DGKI: variants seen among roughly 807,000 people sequenced by gnomAD.
The protein encoded by DGKI is DAG kinase iota.
In DGKI, 55 loss-of-function variants were observed where a neutral mutation model predicts 147.5. The observed-to-expected ratio is 0.37, with a 90% CI of 0.30 to 0.47. The LOEUF is 0.47. DGKI is among the 20% of genes least tolerant of loss of function. DGKI has a pLI of 1.00. For missense variants in DGKI, 1,007 were observed against 1,323.8 expected, an observed-to-expected ratio of 0.76 and a Z score of 3.71; for synonymous variants, 469 against 477.1, an observed-to-expected ratio of 0.98 and a Z score of 0.22.
At chr7:137,584,704 A>AT (rs928962897) in intron 14 of DGKI, among the ~76,000 whole-genome samples, 41 of 151,904 alleles carry the variant, frequency 2.7e-4, no homozygotes, top group African/African-American at 8.4e-4. Flanking sequence ...ATAAAAGTCA[A>AT]TTTTTTTTTA....
chr7:137,733,687 C>A (rs1794946302), intron 1 of DGKI, among the ~76,000 whole-genome samples: 2 of 151,994 alleles, frequency 1.3e-5, no homozygotes, highest in African/African-American at 4.8e-5. Context: ...AGACAATGAA[C>A]AATAAGTAAA....
intron 28 of DGKI, among the ~76,000 whole-genome samples, chr7:137,426,920 A>G (rs1812834220): frequency 6.6e-6 from 1 of 151,802 alleles, no homozygotes; most frequent in Non-Finnish European, 1.5e-5. Flanking sequence ...GTGACCTACA[A>G]AGAGACTTAG....
intron 12 of DGKI, among the ~76,000 whole-genome samples, chr7:137,593,977 T>C (rs1203790529): frequency 2.0e-5 from 3 of 152,196 alleles, no homozygotes; most frequent in Non-Finnish European, 4.4e-5. Flanking sequence ...GTCACAGAAA[T>C]GAGAGCAGAA....
At chr7:137,570,704 G>GC (rs1818763980) in intron 19 of DGKI, among the ~76,000 whole-genome samples, 1 of 151,088 alleles carries the variant, frequency 6.6e-6, no homozygotes, top group African/African-American at 2.4e-5. Context: ...CAATTATCCT[G>GC]CATCAGCCTC....
At chr7:137,567,613 G>A (rs1728454) in intron 19 of DGKI, among the ~76,000 whole-genome samples, 2 of 152,150 alleles carry the variant, frequency 1.3e-5, no homozygotes, top group South Asian at 2.1e-4. Flanking sequence ...ACTACGGAGA[G>A]TTTAAGGTCA....
At chr7:137,453,659 G>C (rs1814066005) in intron 27 of DGKI, among the ~76,000 whole-genome samples, 1 of 152,104 alleles carries the variant, frequency 6.6e-6, no homozygotes, top group South Asian at 2.1e-4. Flanking sequence ...GGAATGCCAA[G>C]CAGCCTCAAA....
chr7:137,561,038 T>C (rs1262951759), intron 19 of DGKI, among the ~76,000 whole-genome samples: 1 of 152,004 alleles, frequency 6.6e-6, no homozygotes, highest in African/African-American at 2.4e-5. Flanking sequence ...AAACAACAAA[T>C]GGAAGTATCA....
chr7:137,603,787 G>GAT (rs1820078718), intron 10 of DGKI, among the ~76,000 whole-genome samples: 1 of 152,190 alleles, frequency 6.6e-6, no homozygotes, highest in Admixed American at 6.5e-5. Flanking sequence ...AGGCACAAAA[G>GAT]GTGTGAAACA....
chr7:137,724,803 T>G (rs924463742), intron 1 of DGKI, among the ~76,000 whole-genome samples: 1 of 152,130 alleles, frequency 6.6e-6, no homozygotes, highest in Non-Finnish European at 1.5e-5. Context: ...GCACTAGAGA[T>G]GTACATTTGA....
chr7:137,550,132 T>C (rs1300968455), intron 20 of DGKI, among the ~76,000 whole-genome samples: 1 of 151,764 alleles, frequency 6.6e-6, no homozygotes, highest in African/African-American at 2.4e-5. Context: ...AGAAAGTAAG[T>C]AACAGTTTTG....
chr7:137,405,181 T>C (rs1316060403), intron 30 of DGKI, among the ~76,000 whole-genome samples: 2 of 152,226 alleles, frequency 1.3e-5, no homozygotes, highest in African/African-American at 4.8e-5. Context: ...TGTTTTCATT[T>C]TTAGTATAAT....
At chr7:137,565,925 TAA>T (rs1299706767) in intron 19 of DGKI, among the ~76,000 whole-genome samples, 2 of 152,114 alleles carry the variant, frequency 1.3e-5, no homozygotes, top group African/African-American at 4.8e-5. Flanking sequence ...AATTACAAGA[TAA>T]AGAGTCTAAA....
chr7:137,691,809 T>TTTTTTTTGTTTTTTTG (rs1554458893), intron 1 of DGKI, among the ~76,000 whole-genome samples: 48 of 141,070 alleles, frequency 3.4e-4, no homozygotes, highest in African/African-American at 1.3e-3. Flanking sequence ...TTTTTTTTTT[T>TTTTTTTTGTTTTTTTG]TTTTTTTTTT....
intron 6 of DGKI, among the ~76,000 whole-genome samples, chr7:137,629,677 T>C (rs1389107846): frequency 6.6e-6 from 1 of 152,146 alleles, no homozygotes; most frequent in African/African-American, 2.4e-5. Context: ...TTATCCAGAG[T>C]GTAGCCTTCA....
At chr7:137,653,481 G>T (rs1216825297) in intron 5 of DGKI, among the ~76,000 whole-genome samples, 1 of 152,202 alleles carries the variant, frequency 6.6e-6, no homozygotes, top group Non-Finnish European at 1.5e-5. Flanking sequence ...TCAGGGTCCA[G>T]CTCTTGCTAT....
At chr7:137,466,808 G>A (rs979150471) in intron 25 of DGKI, 94 bp downstream of exon 25, 34 of 1,325,350 alleles carry the variant, frequency 2.6e-5, no homozygotes, top group Non-Finnish European at 3.7e-5. Context: ...TGTCTCAGTG[G>A]TTTTCGTTAG....
At chr7:137,820,933 A>C (rs1476538631) in intron 1 of DGKI, among the ~76,000 whole-genome samples, 2 of 152,134 alleles carry the variant, frequency 1.3e-5, no homozygotes, top group Non-Finnish European at 2.9e-5. Flanking sequence ...AAAATGTCAG[A>C]GCAACCCTCC....
rs779459566 is a variant in DGKI, at chr7:137,597,931, G to T, written c.1251-24C>A. On this transcript the variant is annotated intron_variant, in intron 11 of 32. Transcript: ENST00000614521. Reference sequence around the variant, plus strand: ...GCCTGTAGAGGAAATAGAAGAAAAAGTAAACAAAAGAACATTTCACTGGCT... The same window carrying T: ...GCCTGTAGAGGAAATAGAAGAAAAATTAAACAAAAGAACATTTCACTGGCT... The T allele has an allele frequency of 1.5e-5, 24 of 1,606,724 alleles. No individual in the cohort carries two copies. The South Asian group carries it at 2.5e-4, about 17-fold the overall frequency.
chr7:137,661,244 C>T (rs961073816), intron 3 of DGKI, among the ~76,000 whole-genome samples: 2 of 152,074 alleles, frequency 1.3e-5, no homozygotes, highest in Non-Finnish European at 2.9e-5. Context: ...GCATGGCAAC[C>T]GGTTCTTAGT....
Sources: gnomAD v4.1 joint callset for allele counts (sites outside exome capture counted in the v4.1 genomes callset) on GRCh38, gnomAD v4.1.1 for gene constraint, MANE v1.5 for transcripts, NCBI Gene and HGNC (gene_info 2026-07-23, HGNC 2026-07-21) for gene names.